Variants in CRTAP observed in about 807,000 individuals in gnomAD.
The protein encoded by CRTAP is cartilage-associated protein.
A neutral mutation model predicts 42.7 loss-of-function variants in CRTAP; 33 were observed. That is an observed-to-expected ratio of 0.77 (90% confidence interval 0.59 to 1.03). CRTAP has a LOEUF of 1.03. Ranked by LOEUF, CRTAP falls within the 50% of genes least tolerant of loss-of-function variation. The probability of loss-of-function intolerance (pLI) is 0.00; values close to 1 mark genes in which losing one functional copy is unlikely to be tolerated. For missense variants in CRTAP, 613 were observed against 533.9 expected, an observed-to-expected ratio of 1.15 and a Z score of -1.46; for synonymous variants, 243 against 217.7, an observed-to-expected ratio of 1.12 and a Z score of -1.02.
Position 33,134,390 on chromosome 3 carries a change from G to A in CRTAP, c.1152+125G>A, listed in dbSNP as rs990156076. 20 of 724,840 alleles carry A rather than the reference G, an allele frequency of 2.8e-5. No individual in the cohort carries two copies. The African/African-American group carries it at 3.5e-4, about 13-fold the overall frequency. 44.9% of individuals were successfully genotyped at this position (724,840 alleles called of 1,614,324 possible). A position where few individuals can be genotyped will look rare whatever the true frequency, so the allele number is the denominator to read the frequency against. ...AACAGAGGGGACCTTGAGAAAGACA[G>A]TTCCTGTGGGTGTTTCAGTGACAGT... On this transcript the variant is annotated intron_variant, in intron 6 of 6. Transcript: ENST00000320954.
At chr3:33,124,326 G>A (rs1384855507) in intron 2 of CRTAP, 82 bp from the exon 3 acceptor site, 2 of 1,544,668 alleles carry the variant, frequency 1.3e-6, no homozygotes, top group Non-Finnish European at 1.8e-6. Flanking sequence ...GCTTGGTGGT[G>A]GTCTTGGTTC....
At chr3:33,115,110 A>T (rs1032000239) in intron 1 of CRTAP, among the ~76,000 whole-genome samples, 24 of 151,936 alleles carry the variant, frequency 1.6e-4, no homozygotes, top group African/African-American at 5.8e-4. Context: ...CACCTAGCTA[A>T]TTTTTTGGTA....
intron 2 of CRTAP, among the ~76,000 whole-genome samples, chr3:33,123,625 GTT>G (rs141876885): frequency 2.8e-5 from 3 of 106,372 alleles, no homozygotes; most frequent in African/African-American, 7.6e-5. Context: ...CCCAGTCTCG[GTT>G]TTTTTTTTTT....
chr3:33,119,555 T>C (rs1465384959), intron 1 of CRTAP, among the ~76,000 whole-genome samples: 1 of 152,174 alleles, frequency 6.6e-6, no homozygotes, highest in African/African-American at 2.4e-5. Flanking sequence ...ATGGTGCTCT[T>C]GTAATATGAC....
intron 3 of CRTAP, among the ~76,000 whole-genome samples, chr3:33,125,846 C>G (rs770091607): frequency 6.6e-6 from 1 of 152,182 alleles, no homozygotes; most frequent in Non-Finnish European, 1.5e-5. Context: ...GTGTCCCAAT[C>G]ATTTCAGAAA....
intron 4 of CRTAP, among the ~76,000 whole-genome samples, chr3:33,131,458 T>G (rs2125603434): frequency 6.6e-6 from 1 of 152,350 alleles, no homozygotes; most frequent in East Asian, 1.9e-4. Context: ...GTGTTCTGGA[T>G]GCATGCGGGC....
chr3:33,114,413 G>A lies in CRTAP; in HGVS notation c.336G>A (p.Leu112=). The A allele has an allele frequency of 1.9e-6, 3 of 1,547,908 alleles. No homozygotes were observed. Among genetic ancestry groups the A allele is most frequent in the Non-Finnish European group, 2.6e-6 (3 of 1,151,328 alleles). The change falls in exon 1 of 7, where the codon CTG becomes CTA. Residue 112 remains leucine, a synonymous_variant. Transcript: ENST00000320954. ...SYPELRLFGG[L]LRRAHCLKRC... is the part of the protein sequence containing the mutation. ...CCGAGCTGCGCCTCTTCGGGGGCCT[G>A]CTGCGCCGCGCGCACTGCCTCAAGC...
intron 5 of CRTAP, 128 bp downstream of exon 5, chr3:33,132,828 C>A (rs1291268253): frequency 3.5e-6 from 4 of 1,158,780 alleles, no homozygotes; most frequent in Non-Finnish European, 5.0e-6. Context: ...GCCTGTAATC[C>A]CAGCACTTTG....
intron 2 of CRTAP, among the ~76,000 whole-genome samples, chr3:33,123,488 C>T (rs4374482): frequency 0.81 from 122,836 of 152,100 alleles, 49,688 homozygotes; most frequent in East Asian, 0.97. Flanking sequence ...TGTGAAGTGC[C>T]GGCTCCCTGT....
chr3:33,139,697 C>T (rs567538905), intron 6 of CRTAP, among the ~76,000 whole-genome samples: 2 of 152,220 alleles, frequency 1.3e-5, no homozygotes, highest in South Asian at 2.1e-4. Flanking sequence ...AGTCTGGTCT[C>T]GAACTCCTGA....
chr3:33,136,739 T>A (rs960392807), intron 6 of CRTAP, among the ~76,000 whole-genome samples: 3 of 152,102 alleles, frequency 2.0e-5, no homozygotes, highest in African/African-American at 7.2e-5. Flanking sequence ...AACAACTAGA[T>A]CTTGTGTGAA....
chr3:33,122,153 G>T (rs990970028), intron 2 of CRTAP, among the ~76,000 whole-genome samples: 4 of 152,118 alleles, frequency 2.6e-5, no homozygotes, highest in African/African-American at 9.7e-5. Flanking sequence ...AGTGCGTGTG[G>T]TCAGTGCCCT....
chr3:33,138,151 T>A (rs2030475579), intron 6 of CRTAP, among the ~76,000 whole-genome samples: 1 of 152,176 alleles, frequency 6.6e-6, no homozygotes, highest in Non-Finnish European at 1.5e-5. Flanking sequence ...TTACTGTAGC[T>A]TTATACTATA....
chr3:33,118,367 A>G (rs1023652569), intron 1 of CRTAP, among the ~76,000 whole-genome samples: 3 of 152,200 alleles, frequency 2.0e-5, no homozygotes, highest in African/African-American at 4.8e-5. Flanking sequence ...CCAGCTGAAG[A>G]CTAGCCTTTT....
chr3:33,139,444 G>A (rs950557288), intron 6 of CRTAP, among the ~76,000 whole-genome samples: 4 of 151,930 alleles, frequency 2.6e-5, no homozygotes, highest in Admixed American at 6.6e-5. Flanking sequence ...CCCTTTATTA[G>A]GTTGAGGAAG....
intron 2 of CRTAP, among the ~76,000 whole-genome samples, chr3:33,123,048 C>G (rs1289639662): frequency 6.6e-6 from 1 of 152,160 alleles, no homozygotes; most frequent in Non-Finnish European, 1.5e-5. Context: ...ACTGCAACCT[C>G]CACCTCCTGG....
chr3:33,132,875 C>T (rs1362879554), intron 5 of CRTAP, among the ~76,000 whole-genome samples, 175 bp downstream of exon 5: 3 of 152,010 alleles, frequency 2.0e-5, no homozygotes, highest in Admixed American at 6.6e-5. Context: ...GTCAGGAGTT[C>T]GAGACCAGCC....
chr3:33,125,553 A>G (rs928400044), intron 3 of CRTAP, among the ~76,000 whole-genome samples: 2 of 146,124 alleles, frequency 1.4e-5, no homozygotes, highest in Admixed American at 7.0e-5. Flanking sequence ...AATTTCAAAC[A>G]TACACAAAAA....
At chr3:33,142,141 C>G (rs1311178014) in intron 6 of CRTAP, among the ~76,000 whole-genome samples, 1 of 152,178 alleles carries the variant, frequency 6.6e-6, no homozygotes, top group African/African-American at 2.4e-5. Context: ...GAGCTGTTCA[C>G]AGGCTGGGCT....
Sources: allele counts gnomAD v4.1 joint callset (sites outside exome capture counted in the v4.1 genomes callset), GRCh38; gene constraint gnomAD v4.1.1; transcripts MANE v1.5; gene names NCBI Gene and HGNC (gene_info 2026-07-23, HGNC 2026-07-21).